The following GAS7 variants were observed in gnomAD, a reference collection of about 807,000 sequenced individuals.
GAS7 encodes growth arrest specific 7.
In GAS7, 28 loss-of-function variants were observed where a neutral mutation model predicts 71.1. The observed-to-expected ratio is 0.39, with a 90% CI of 0.29 to 0.54. The LOEUF is 0.54. GAS7 is among the 20% of genes least tolerant of loss of function. The pLI is 0.62. For synonymous variants in GAS7, 258 were observed against 245.8 expected (o/e 1.05, Z -0.46); for missense variants, 436 against 627.8 (o/e 0.69, Z 3.27).
intron 1 of GAS7, among the ~76,000 whole-genome samples, chr17:10,170,434 C>T (rs2074327647): frequency 6.6e-6 from 1 of 152,160 alleles, no homozygotes; most frequent in Admixed American, 6.5e-5. Context: ...TCCAGGAATG[C>T]TCTGGCCTCA....
At chr17:9,934,503 G>GT (rs1238029300) in intron 8 of GAS7, among the ~76,000 whole-genome samples, 1 of 152,086 alleles carries the variant, frequency 6.6e-6, no homozygotes, top group African/African-American at 2.4e-5. Context: ...AGAGGTGGGG[G>GT]GGGTGGGGAT....
chr17:10,139,717 G>C (rs183859301), intron 1 of GAS7, among the ~76,000 whole-genome samples: 122 of 152,314 alleles, frequency 8.0e-4, no homozygotes, highest in Non-Finnish European at 1.5e-3. Flanking sequence ...TATACATTCT[G>C]CTTAGCGTAG....
chr17:10,171,719 A>C (rs1352190357), intron 1 of GAS7, among the ~76,000 whole-genome samples: 2 of 152,206 alleles, frequency 1.3e-5, no homozygotes, highest in African/African-American at 4.8e-5. Flanking sequence ...GCTGGTCCTA[A>C]GCAGTGTTGA....
chr17:9,943,164 C>T lies in GAS7; in HGVS notation c.688G>A (p.Gly230Ser), dbSNP rs753543542. The T allele has an allele frequency of 1.2e-6, 2 of 1,613,544 alleles. No homozygotes were observed. The highest frequency in any genetic ancestry group is 1.3e-5 in the African/African-American group (1 of 74,912). The change falls in exon 7 of 14, where the codon GGC becomes AGC. Residue 230 changes from glycine to serine, a missense_variant. Physicochemically the swap from Gly to Ser is moderately conservative, Grantham distance 56. Coordinates refer to ENST00000432992, the MANE Select transcript of GAS7 (RefSeq NM_201433.2). ...GACATTTCCTTCTGCATTTGTTTGC[C>T]CTTCAGCTGTTTCTGGAGCAGTAGT... ...FELLLQKQLK[G>S]KQMQKEMSEF...
At chr17:9,946,763 C>CT (rs1349968532) in intron 6 of GAS7, 131 bp downstream of exon 6, 18 of 605,508 alleles carry the variant, frequency 3.0e-5, no homozygotes, top group Admixed American at 8.6e-5. Context: ...GATGCAAACT[C>CT]TAACACCAGC....
At chr17:10,079,254 T>C (rs574576492) in intron 1 of GAS7, among the ~76,000 whole-genome samples, 2 of 152,318 alleles carry the variant, frequency 1.3e-5, no homozygotes, top group East Asian at 3.9e-4. Flanking sequence ...TCTATTACTT[T>C]GATAAAAATA....
chr17:10,060,381 G>A (rs554068994), intron 1 of GAS7, among the ~76,000 whole-genome samples: 3 of 152,266 alleles, frequency 2.0e-5, no homozygotes, highest in African/African-American at 4.8e-5. Context: ...TCATGACTCC[G>A]GGATGTGCAA....
At chr17:10,027,953 G>A (rs1002896161) in intron 1 of GAS7, among the ~76,000 whole-genome samples, 2 of 152,144 alleles carry the variant, frequency 1.3e-5, no homozygotes, top group Admixed American at 1.3e-4. Context: ...GCACGATCTC[G>A]GCTCACTACA....
At chr17:10,121,765 C>A (rs1332356276) in intron 1 of GAS7, among the ~76,000 whole-genome samples, 1 of 152,106 alleles carries the variant, frequency 6.6e-6, no homozygotes, top group Non-Finnish European at 1.5e-5. Flanking sequence ...GACCACCAAG[C>A]ATGCTTCCCT....
chr17:10,128,186 A>G (rs1326053941), intron 1 of GAS7, among the ~76,000 whole-genome samples: 1 of 152,140 alleles, frequency 6.6e-6, no homozygotes, highest in East Asian at 1.9e-4. Context: ...CCCAACCCAC[A>G]CATGGGAGGT....
At chr17:9,947,141 G>A (rs111575238) in intron 5 of GAS7, among the ~76,000 whole-genome samples, 158 bp from the exon 6 acceptor site, 13 of 152,090 alleles carry the variant, frequency 8.5e-5, no homozygotes, top group Admixed American at 3.9e-4. Flanking sequence ...TCACATGAGC[G>A]GCAACAGGTG....
chr17:10,113,120 G>A (rs1233489612), intron 1 of GAS7, among the ~76,000 whole-genome samples: 1 of 152,040 alleles, frequency 6.6e-6, no homozygotes, highest in African/African-American at 2.4e-5. Context: ...AGCCATGGGA[G>A]AGAAATTCAA....
At chr17:10,185,555 G>A (rs1488344955) in intron 1 of GAS7, among the ~76,000 whole-genome samples, 4 of 152,116 alleles carry the variant, frequency 2.6e-5, no homozygotes, top group African/African-American at 4.8e-5. Flanking sequence ...ACCAGTAAAC[G>A]TGTTTCCCCA....
chr17:9,929,312 T>C (rs943550935), intron 9 of GAS7, among the ~76,000 whole-genome samples: 12 of 152,028 alleles, frequency 7.9e-5, no homozygotes, highest in Admixed American at 2.6e-4. Context: ...CCAGGTTCTG[T>C]GGTCTGGGGA....
chr17:9,961,588 G>A (rs544255091), intron 4 of GAS7, among the ~76,000 whole-genome samples: 1 of 152,334 alleles, frequency 6.6e-6, no homozygotes, highest in South Asian at 2.1e-4. Context: ...TATGGATGCT[G>A]ATGATGTTGG....
chr17:9,922,678 A>T (rs904904806), intron 11 of GAS7, among the ~76,000 whole-genome samples: 3 of 152,254 alleles, frequency 2.0e-5, no homozygotes, highest in Non-Finnish European at 2.9e-5. Context: ...GTAAAAAAAA[A>T]TAGCAAGATT....
chr17:9,947,901 C>T (rs921036846), intron 5 of GAS7, among the ~76,000 whole-genome samples: 20 of 151,844 alleles, frequency 1.3e-4, no homozygotes, highest in Admixed American at 8.5e-4. Flanking sequence ...ACCAGCCCCT[C>T]CTCTTCCTCC....
Position 10,034,288 on chromosome 17 carries a change from A to G in GAS7, c.184-14391T>C, listed in dbSNP as rs1176341110. 8 of 834,052 alleles carry G rather than the reference A, an allele frequency of 9.6e-6. No individual in the cohort carries two copies. Among genetic ancestry groups the G allele is most frequent in the Non-Finnish European group, 1.2e-5 (8 of 692,364 alleles). 51.7% of individuals were successfully genotyped at this position (834,052 alleles called of 1,614,324 possible). On this transcript the variant is annotated intron_variant, in intron 1 of 13. Transcript: ENST00000432992. The surrounding 1 kb of genome is among the most constrained non-coding windows in gnomAD (Gnocchi z 4.4). ...GGTCTCCAAGGGCTTTCATATATAC[A>G]TATATATAGCCTAATACTTAATAAT...
Position 9,969,877 on chromosome 17 carries a change from G to C in GAS7, c.386-115C>G. 1 of 701,030 alleles carries C rather than the reference G, an allele frequency of 1.4e-6. No homozygotes were observed. The allele number at this position is 701,030 out of a possible 1,614,324, so 43.4% of individuals were successfully genotyped here. On this transcript the variant is annotated intron_variant, in intron 3 of 13. Coordinates refer to ENST00000432992, the MANE Select transcript of GAS7 (RefSeq NM_201433.2). The surrounding 1 kb of genome is among the most constrained non-coding windows in gnomAD (Gnocchi z 5.5). Reference sequence around the variant, plus strand: ...CTTCCTTGGCTCTGAGAGGTCTTGCGTGGCGAAGACCATCCCTCAGGATCT... The same window carrying C: ...CTTCCTTGGCTCTGAGAGGTCTTGCCTGGCGAAGACCATCCCTCAGGATCT...
Sources: gnomAD v4.1 joint callset for allele counts (sites outside exome capture counted in the v4.1 genomes callset) on GRCh38, gnomAD v4.1.1 for gene constraint, Gnocchi (gnomAD v3.1) non-coding constraint, MANE v1.5 for transcripts, NCBI Gene and HGNC (gene_info 2026-07-23, HGNC 2026-07-21) for gene names.